Variants in APOBR observed in about 807,000 individuals in gnomAD.
APOBR encodes the protein apoB-48R.
A neutral mutation model predicts 88.5 loss-of-function variants in APOBR; 57 were observed. The ratio of observed to expected loss-of-function variants is 0.64; its 90% CI spans 0.52 to 0.80. The LOEUF is 0.80. APOBR is among the 30% of genes least tolerant of loss of function. APOBR has a pLI of 0.00. For missense variants in APOBR, 1,443 were observed against 1,401.6 expected (o/e 1.03, Z -0.47); for synonymous variants, 588 against 572.7 (o/e 1.03, Z -0.38).
chr16:28,496,435 T>C lies in APOBR; in HGVS notation c.1394T>C (p.Leu465Pro). ...GAGAGCTTTGAGGGCCAGGTAGACCTGCGTGGTAAGGAGGCTGAGATGAGG... is the reference window on the plus strand; with the variant it reads ...GAGAGCTTTGAGGGCCAGGTAGACCCGCGTGGTAAGGAGGCTGAGATGAGG... ...AGESFEGQVD[L>P]RGKEAEMRQD... is the part of the protein sequence containing the mutation. Residue 465 changes from leucine (L) to proline (P), a missense_variant, in exon 2 of 4, where the codon CTG becomes CCG. By Grantham distance (98) the Leu-to-Pro change is moderately conservative (BLOSUM62 -3). Transcript: ENST00000564831. The C allele has an allele frequency of 1.2e-6, 2 of 1,611,752 alleles. No individual in the cohort carries two copies. Among genetic ancestry groups the C allele is most frequent in the Non-Finnish European group, 1.7e-6 (2 of 1,178,988 alleles).
Position 28,496,101 on chromosome 16 carries a change from GCCGGGACAGC to G in APOBR, c.1062_1071del (p.Gly355GlnfsTer43), listed in dbSNP as rs1321345191. The G allele has an allele frequency of 4.0e-6, 3 of 748,836 alleles. No individual in the cohort carries two copies. The highest frequency in any genetic ancestry group is 4.3e-5 in the Admixed American group (1 of 23,356). The allele number at this position is 748,836 out of a possible 1,614,324, so 46.4% of individuals were successfully genotyped here. Reference sequence around the variant, plus strand: ...TGGGACAGCCTCAGGAGGGGAGGAGGCCGGGACAGCCTCAGGAGGGGAGGAGGCCGGGACA... The same window carrying G: ...TGGGACAGCCTCAGGAGGGGAGGAGGCTCAGGAGGGGAGGAGGCCGGGACA... On this transcript the variant is annotated frameshift_variant, in exon 2 of 4. Coordinates refer to ENST00000564831, the MANE Select transcript of APOBR (RefSeq NM_018690.4). LOFTEE classifies it high-confidence loss of function.
In APOBR at chr16:28,497,986, G is replaced by C. The variant is rs2046407187; in HGVS notation, c.2945G>C (p.Ser982Thr). The C allele has an allele frequency of 6.3e-7, 1 of 1,597,510 alleles. No homozygotes were observed. Among genetic ancestry groups the C allele is most frequent in the South Asian group, 1.1e-5 (1 of 90,106 alleles). Residue 982 changes from serine (S) to threonine (T), a missense_variant, in exon 2 of 4, where the codon AGC becomes ACC. Physicochemically the swap from Ser to Thr is moderately conservative, Grantham distance 58. Transcript: ENST00000564831. ...AGTGCCAGAGGAGGTGCTGCCAACA[G>C]CTGGAGCGAGGTGAGGGCTCTTGGT... ...MGSARGGAAN[S>T]WSEAPLPGSL...
rs1378441674 is a variant in APOBR, at chr16:28,498,169, C to A, written c.3044C>A (p.Pro1015His). 1.2e-6 allele frequency: 2 copies of A among 1,602,272 alleles called. No homozygotes were observed. The highest frequency in any genetic ancestry group is 8.5e-7 in the Non-Finnish European group (1 of 1,179,208). ...AGCTCCTCACAGCGTCGCTCCCGGC[C>A]CTCTTTTCGTCGGACTCCGGCCTGG... ...SRSSSQRRSRPSFRRTPAWEQ... is the reference protein window; with the variant it reads ...SRSSSQRRSRHSFRRTPAWEQ... Residue 1015 changes from proline to histidine, a missense_variant, in exon 3 of 4, where the codon CCC becomes CAC. Coordinates refer to ENST00000564831, the MANE Select transcript of APOBR (RefSeq NM_018690.4).
Position 28,494,662 on chromosome 16 carries a change from C to T in APOBR, c.-20C>T. 6.2e-7 allele frequency: 1 copy of T among 1,607,424 alleles called. No homozygotes were observed. Among genetic ancestry groups the T allele is most frequent in the Non-Finnish European group, 8.5e-7 (1 of 1,176,094 alleles). On this transcript the variant is annotated 5_prime_UTR_variant, in exon 1 of 4. Transcript: ENST00000564831. Reference sequence around the variant, plus strand: ...ACGGTCATTATCAGCTTTCTGGACACACAGACAGAGACAGACAGGATGGAC... The same window carrying T: ...ACGGTCATTATCAGCTTTCTGGACATACAGACAGAGACAGACAGGATGGAC...
Position 28,495,219 on chromosome 16 carries a change from G to A in APOBR, c.178G>A (p.Glu60Lys), listed in dbSNP as rs1054421457. 2.6e-6 allele frequency: 4 copies of A among 1,555,464 alleles called. No individual in the cohort carries two copies. Among genetic ancestry groups the A allele is most frequent in the African/African-American group, 1.4e-5 (1 of 72,868 alleles). Reference protein sequence around the residue: ...VAVGKTGKIVEEEAQEDLEGL... With the variant: ...VAVGKTGKIVKEEAQEDLEGL... ...GGTGGGAAAGACAGGGAAGATTGTA[G>A]AGGAGGAAGCCCAGGAGGACCTGGA... The change falls in exon 2 of 4, where the codon GAG (glutamate) becomes AAG (lysine). Residue 60 changes from glutamate (E) to lysine (K), a missense_variant. By Grantham distance (56) the Glu-to-Lys change is moderately conservative (BLOSUM62 1). Transcript: ENST00000564831.
At chr16:28,494,775 C>T in intron 1 of APOBR, 37 bp downstream of exon 1, 2 of 1,582,180 alleles carry the variant, frequency 1.3e-6, no homozygotes, top group Non-Finnish European at 1.7e-6. Flanking sequence ...ACTTGCACCC[C>T]ATTCCCTGGG....
In APOBR at chr16:28,498,810, C is replaced by T. The variant is rs562084270; in HGVS notation, c.*305C>T. The stretch of plus-strand genomic sequence containing the variant: ...GTCTGGACTGCAAGGAGGCTGGGCA[C>T]GGGGGCTCACGCCTGTCACCCCAGA... On this transcript the variant is annotated 3_prime_UTR_variant, in exon 4 of 4. Coordinates refer to ENST00000564831, the MANE Select transcript of APOBR (RefSeq NM_018690.4). 7.8e-5 allele frequency: 44 copies of T among 564,284 alleles called. 1 individual carries two copies. In the East Asian group the frequency reaches 1.1e-3, roughly 15 times the overall value. 35.0% of individuals were successfully genotyped at this position (564,284 alleles called of 1,614,324 possible). A position where few individuals can be genotyped will look rare whatever the true frequency, so the allele number is the denominator to read the frequency against.
chr16:28,497,276 G>A lies in APOBR; in HGVS notation c.2235G>A (p.Val745=). The A allele has an allele frequency of 1.9e-6, 3 of 1,591,652 alleles. No homozygotes were observed. Among genetic ancestry groups the A allele is most frequent in the Non-Finnish European group, 2.6e-6 (3 of 1,169,578 alleles). Residue 745 remains valine, a synonymous_variant, in exon 2 of 4, where the codon GTG becomes GTA. Transcript: ENST00000564831. ...GAAGAGGCTGGAGGCTGCAAGCGGTGGCTGTGGGCCTCCCGGACCGTGAGG... is the reference window on the plus strand; with the variant it reads ...GAAGAGGCTGGAGGCTGCAAGCGGTAGCTGTGGGCCTCCCGGACCGTGAGG... ...TSRRGWRLQA[V]AVGLPDREDA...
In APOBR at chr16:28,495,089, T is replaced by A; in HGVS notation, c.58-10T>A. 1 of 1,491,364 alleles carries A rather than the reference T, an allele frequency of 6.7e-7. No homozygotes were observed. The highest frequency in any genetic ancestry group is 2.4e-5 in the East Asian group (1 of 42,056). 92.4% of individuals were successfully genotyped at this position (1,491,364 alleles called of 1,614,324 possible). A position where few individuals can be genotyped will look rare whatever the true frequency, so the allele number is the denominator to read the frequency against. Reference sequence around the variant, plus strand: ...CAATGACTCTCCCCTCTCTCTCTCTTTTTTCCTAGGATTCCCTCGGCACCT... The same window carrying A: ...CAATGACTCTCCCCTCTCTCTCTCTATTTTCCTAGGATTCCCTCGGCACCT... On this transcript the variant is annotated splice_polypyrimidine_tract_variant and intron_variant, in intron 1 of 3. Transcript: ENST00000564831.
chr16:28,497,051 A>G lies in APOBR; in HGVS notation c.2010A>G (p.Leu670=), dbSNP rs536452974. The change falls in exon 2 of 4, where the codon CTA becomes CTG. Residue 670 remains leucine, a synonymous_variant. Coordinates refer to ENST00000564831, the MANE Select transcript of APOBR (RefSeq NM_018690.4). ...AEAEGDRESE[L]SEVPEAGGEG... ...CTGAAGGAGACCGAGAGTCTGAACT[A>G]TCAGAAGTCCCAGAGGCAGGCGGGG... The G allele has an allele frequency of 3.0e-5, 47 of 1,590,352 alleles. No homozygotes were observed. The South Asian group carries it at 4.5e-4, about 15-fold the overall frequency.
In APOBR at chr16:28,497,709, G is replaced by A. The variant is rs774646524; in HGVS notation, c.2668G>A (p.Gly890Arg). 2 of 1,604,140 alleles carry A rather than the reference G, an allele frequency of 1.2e-6. No homozygotes were observed. The highest frequency in any genetic ancestry group is 1.1e-5 in the South Asian group (1 of 89,552). ...KWTLLEEEAVGWQEREQREDS... is the reference protein window; with the variant it reads ...KWTLLEEEAVRWQEREQREDS... ...GACGCTGTTGGAAGAAGAGGCTGTT[G>A]GATGGCAGGAGAGAGAACAGAGGGA... The change falls in exon 2 of 4, where the codon GGA (glycine) becomes AGA (arginine). Residue 890 changes from glycine (G) to arginine (R), a missense_variant. Transcript: ENST00000564831.
intron 1 of APOBR, 149 bp from the exon 2 acceptor site, chr16:28,494,950 C>G (rs2046377603): frequency 1.1e-6 from 1 of 900,608 alleles, no homozygotes. Context: ...CTAATCGATG[C>G]CCCTTCTGGC....
In APOBR at chr16:28,496,639, C is replaced by T. The variant is rs1567268340; in HGVS notation, c.1598C>T (p.Thr533Ile). The T allele has an allele frequency of 1.3e-6, 2 of 1,596,692 alleles. No individual in the cohort carries two copies. Among genetic ancestry groups the T allele is most frequent in the East Asian group, 4.5e-5 (2 of 44,592 alleles). ...GAGGCCAGGCCTGAGGAGGAGCTCA[C>T]AGGGGAGGAGAGTGAGGCGGCCCAG... ...TPEARPEEEL[T>I]GEESEAAQTS... Residue 533 changes from threonine (T) to isoleucine (I), a missense_variant, in exon 2 of 4, where the codon ACA becomes ATA. By Grantham distance (89) the Thr-to-Ile change is moderately conservative (BLOSUM62 -1). Transcript: ENST00000564831.
Position 28,498,552 on chromosome 16 carries a change from G to A in APOBR, c.*47G>A. On this transcript the variant is annotated 3_prime_UTR_variant, in exon 4 of 4. Coordinates refer to ENST00000564831, the MANE Select transcript of APOBR (RefSeq NM_018690.4). The stretch of plus-strand genomic sequence containing the variant: ...GCCAGGCCCTGAGTGGGTGCCAGAA[G>A]GCTTGCTCCAATGCCACTGAGCCCT... 2 of 1,548,092 alleles carry A rather than the reference G, an allele frequency of 1.3e-6. No homozygotes were observed. Among genetic ancestry groups the A allele is most frequent in the African/African-American group, 1.4e-5 (1 of 73,358 alleles).
At position 28,495,649 on chromosome 16, in the gene APOBR, A is replaced by T; in HGVS notation, c.608A>T (p.His203Leu). The T allele has an allele frequency of 1.3e-6, 2 of 1,550,630 alleles. No individual in the cohort carries two copies. The highest frequency in any genetic ancestry group is 1.2e-5 in the South Asian group (1 of 83,976). The change falls in exon 2 of 4, where the codon CAT becomes CTT. Residue 203 changes from histidine to leucine, a missense_variant. By Grantham distance (99) the His-to-Leu change is moderately conservative (BLOSUM62 -3). Transcript: ENST00000564831. ...ARGAESEWTW[H>L]GETEGKAGAV... is the part of the protein sequence containing the mutation. Reference sequence around the variant, plus strand: ...GGGGCGGAGTCAGAGTGGACCTGGCATGGGGAGACGGAGGGGAAGGCTGGT... The same window carrying T: ...GGGGCGGAGTCAGAGTGGACCTGGCTTGGGGAGACGGAGGGGAAGGCTGGT...
chr16:28,496,152 G>A lies in APOBR; in HGVS notation c.1111G>A (p.Glu371Lys), dbSNP rs752155411. 3.4e-5 allele frequency: 53 copies of A among 1,542,272 alleles called. No individual in the cohort carries two copies. The highest frequency in any genetic ancestry group is 4.4e-5 in the Non-Finnish European group (50 of 1,146,642). Reference sequence around the variant, plus strand: ...GGCCGGGACAGCCTCAGGAGGGGACGAGGCCTGGACAACCTCAGGCAAAGA... The same window carrying A: ...GGCCGGGACAGCCTCAGGAGGGGACAAGGCCTGGACAACCTCAGGCAAAGA... ...EEAGTASGGD[E>K]AWTTSGKEEA... Residue 371 changes from glutamate to lysine, a missense_variant, in exon 2 of 4, where the codon GAG becomes AAG. By Grantham distance (56) the Glu-to-Lys change is moderately conservative. Coordinates refer to ENST00000564831, the MANE Select transcript of APOBR (RefSeq NM_018690.4).
Position 28,497,724 on chromosome 16 carries a change from G to A in APOBR, c.2683G>A (p.Glu895Lys). The change falls in exon 2 of 4, where the codon GAA becomes AAA. Residue 895 changes from glutamate to lysine, a missense_variant. Physicochemically the swap from Glu to Lys is moderately conservative, Grantham distance 56 (BLOSUM62 1). Coordinates refer to ENST00000564831, the MANE Select transcript of APOBR (RefSeq NM_018690.4). Reference protein sequence around the residue: ...EEEAVGWQEREQREDSEGRCG... With the variant: ...EEEAVGWQERKQREDSEGRCG... ...AGAGGCTGTTGGATGGCAGGAGAGA[G>A]AACAGAGGGAAGACAGTGAGGGGCG... 6.2e-7 allele frequency: 1 copy of A among 1,604,848 alleles called. No homozygotes were observed. Among genetic ancestry groups the A allele is most frequent in the Non-Finnish European group, 8.5e-7 (1 of 1,175,908 alleles).
chr16:28,496,000 A>G lies in APOBR; in HGVS notation c.959A>G (p.Glu320Gly), dbSNP rs576027712. Residue 320 changes from glutamate to glycine, a missense_variant, in exon 2 of 4, where the codon GAA becomes GGA. Transcript: ENST00000564831. ...AETASGGEEA[E>G]TASGGEEAGT... is the part of the protein sequence containing the mutation. Reference sequence around the variant, plus strand: ...ACAGCCTCAGGCGGGGAGGAGGCTGAAACAGCCTCAGGCGGGGAGGAGGCC... The same window carrying G: ...ACAGCCTCAGGCGGGGAGGAGGCTGGAACAGCCTCAGGCGGGGAGGAGGCC... 3.8e-6 allele frequency: 6 copies of G among 1,599,838 alleles called. No homozygotes were observed. Among genetic ancestry groups the G allele is most frequent in the East Asian group, 4.9e-5 (2 of 40,528 alleles).
At position 28,497,585 on chromosome 16, in the gene APOBR, C is replaced by T. The variant is rs139349374; in HGVS notation, c.2544C>T (p.Gly848=). Residue 848 remains glycine, a synonymous_variant, in exon 2 of 4, where the codon GGC becomes GGT. Coordinates refer to ENST00000564831, the MANE Select transcript of APOBR (RefSeq NM_018690.4). ...GGRVEAEESA[G]AEDSCGLDPA... is the part of the protein sequence containing the mutation. ...GGGTAGAGGCCGAGGAATCTGCAGG[C>T]GCAGAGGACAGCTGTGGGCTGGATC... 7 of 1,604,160 alleles carry T rather than the reference C, an allele frequency of 4.4e-6. No homozygotes were observed. Among genetic ancestry groups the T allele is most frequent in the African/African-American group, 2.7e-5 (2 of 74,776 alleles).
Sources: gnomAD v4.1 joint callset for allele counts on GRCh38, gnomAD v4.1.1 for gene constraint, MANE v1.5 for transcripts, NCBI Gene and HGNC (gene_info 2026-07-23, HGNC 2026-07-21) for gene names.